TOP3A: variants seen among roughly 807,000 people sequenced by gnomAD.
TOP3A encodes the protein DNA topoisomerase III alpha.
A neutral mutation model predicts 111.3 loss-of-function variants in TOP3A; 64 were observed. The ratio of observed to expected loss-of-function variants is 0.57; its 90% confidence interval spans 0.47 to 0.71. The LOEUF is 0.71. TOP3A is among the 30% of genes least tolerant of loss of function. The probability of loss-of-function intolerance (pLI) is 0.00; values close to 1 mark genes in which losing one functional copy is unlikely to be tolerated. For synonymous variants in TOP3A, 484 were observed against 485.1 expected, an observed-to-expected ratio of 1.00 and a Z score of 0.03; for missense variants, 1,104 against 1,285.0, an observed-to-expected ratio of 0.86 and a Z score of 2.15.
intron 18 of TOP3A, among the ~76,000 whole-genome samples, chr17:18,275,414 C>T (rs73289935): frequency 0.12 from 15,393 of 131,268 alleles, 899 homozygotes; most frequent in South Asian, 0.2. Context: ...GTGTGGAGTG[C>T]AGTGGCGTGA....
intron 1 of TOP3A, among the ~76,000 whole-genome samples, chr17:18,311,001 A>T (rs1027196068): frequency 4.9e-5 from 7 of 142,158 alleles, no homozygotes; most frequent in South Asian, 2.2e-4. Flanking sequence ...ACAACTATGA[A>T]TTTTTTTTTT....
intron 4 of TOP3A, 27 bp from the exon 5 acceptor site, chr17:18,305,247 G>A: frequency 6.4e-7 from 1 of 1,572,880 alleles, no homozygotes; most frequent in Non-Finnish European, 8.8e-7. Context: ...AATAAGAGTG[G>A]TGAGAACAGA....
chr17:18,299,131 C>T (rs956224350), intron 9 of TOP3A, among the ~76,000 whole-genome samples: 2 of 148,640 alleles, frequency 1.3e-5, no homozygotes, highest in African/African-American at 4.9e-5. Context: ...TAAAAAATAA[C>T]AGGCCAAGCA....
chr17:18,296,755 G>A (rs1215156644), intron 9 of TOP3A, among the ~76,000 whole-genome samples: 1 of 152,172 alleles, frequency 6.6e-6, no homozygotes, highest in Non-Finnish European at 1.5e-5. Flanking sequence ...AACCTCCAGA[G>A]TGAATTCTAA....
intron 9 of TOP3A, among the ~76,000 whole-genome samples, chr17:18,298,484 C>A (rs1981007706): frequency 6.6e-6 from 1 of 150,382 alleles, no homozygotes; most frequent in African/African-American, 2.5e-5. Flanking sequence ...TGAGGGGCGC[C>A]TCTGCCCGGC....
chr17:18,278,090 A>C lies in TOP3A; in HGVS notation c.2412T>G (p.Ala804=). The C allele has an allele frequency of 6.2e-7, 1 of 1,614,230 alleles. No individual in the cohort carries two copies. Among genetic ancestry groups the C allele is most frequent in the Middle Eastern group, 1.6e-4 (1 of 6,062 alleles). Residue 804 remains alanine (A), a synonymous_variant, in exon 18 of 19, where the codon GCT becomes GCG. Coordinates refer to ENST00000321105, the MANE Select transcript of TOP3A (RefSeq NM_004618.5). The part of the protein sequence containing the change: ...ALAQTLPPPT[A]AGESNSVTCN... Reference sequence around the variant, plus strand: ...AGGTCACAGAATTGCTTTCACCAGCAGCCGTGGGTGGTGGGAGGGTCTGGG... The same window carrying C: ...AGGTCACAGAATTGCTTTCACCAGCCGCCGTGGGTGGTGGGAGGGTCTGGG...
chr17:18,308,670 C>CTTT (rs10647472), intron 2 of TOP3A: 2,446 of 407,384 alleles, frequency 6.0e-3, no homozygotes, highest in Non-Finnish European at 6.9e-3. Context: ...TGTATATTAG[C>CTTT]TTTTTTTTTT....
At chr17:18,312,029 T>C (rs1380582027) in intron 1 of TOP3A, 1 of 152,308 alleles carries the variant, frequency 6.6e-6, no homozygotes, top group African/African-American at 2.4e-5. Context: ...GCATTGGATA[T>C]CTAGCCTAAG....
At chr17:18,301,283 C>A (rs1981211094) in intron 8 of TOP3A, among the ~76,000 whole-genome samples, 1 of 152,184 alleles carries the variant, frequency 6.6e-6, no homozygotes, top group Non-Finnish European at 1.5e-5. Flanking sequence ...CCCAACTCTG[C>A]CACCAACTGG....
In TOP3A at chr17:18,280,497, C is replaced by T. The variant is rs751334032; in HGVS notation, c.2144+39G>A. The T allele has an allele frequency of 2.5e-6, 4 of 1,603,290 alleles. No individual in the cohort carries two copies. The African/African-American group carries it at 4.0e-5, about 16-fold the overall frequency. Reference sequence around the variant, plus strand: ...AGGAGCAAGGGAAAGATGGTGTACACACTCCAGAGGAGGCACCTGACTCAG... The same window carrying T: ...AGGAGCAAGGGAAAGATGGTGTACATACTCCAGAGGAGGCACCTGACTCAG... On this transcript the variant is annotated intron_variant, in intron 17 of 18. Coordinates refer to ENST00000321105, the MANE Select transcript of TOP3A (RefSeq NM_004618.5).
At position 18,282,804 on chromosome 17, in the gene TOP3A, T is replaced by A; in HGVS notation, c.1915A>T (p.Thr639Ser). 1 of 1,614,136 alleles carries A rather than the reference T, an allele frequency of 6.2e-7. No homozygotes were observed. The change falls in exon 16 of 19, where the codon ACA (threonine) becomes TCA (serine). Residue 639 changes from threonine to serine, a missense_variant. Thr to Ser is a moderately conservative substitution (Grantham distance 58). Transcript: ENST00000321105. ...EALAQYFGNG[T>S]ELAQQEDIYP... ...ATATCTTCTTGCTGGGCCAACTCTG[T>A]CCCATTCCCAAAGTACTGGGCCAAG...
chr17:18,305,077 A>G (rs1346459428), intron 5 of TOP3A, 35 bp downstream of exon 5: 1 of 1,568,578 alleles, frequency 6.4e-7, no homozygotes, highest in Admixed American at 1.7e-5. Flanking sequence ...TGGAGTTCCA[A>G]AGTAGAGAAA....
intron 15 of TOP3A, among the ~76,000 whole-genome samples, chr17:18,283,776 C>T (rs1979915888): frequency 6.6e-6 from 1 of 152,196 alleles, no homozygotes; most frequent in African/African-American, 2.4e-5. Context: ...CTCAGACCCC[C>T]TCCTTGGTTT....
At chr17:18,310,859 C>G (rs896180980) in intron 1 of TOP3A, among the ~76,000 whole-genome samples, 8 of 152,308 alleles carry the variant, frequency 5.3e-5, no homozygotes, top group African/African-American at 1.9e-4. Context: ...TCATCGGTGT[C>G]TCTTCCCACC....
rs139762546 is a variant in TOP3A, at chr17:18,301,127, C to T, written c.915+758G>A. On this transcript the variant is annotated intron_variant, in intron 8 of 18. Transcript: ENST00000321105. Reference sequence around the variant, plus strand: ...CAGTGGGCTACAGCCAAGAAGCACACCATGAATTAAGCCTAGAGAGCTCGG... The same window carrying T: ...CAGTGGGCTACAGCCAAGAAGCACATCATGAATTAAGCCTAGAGAGCTCGG... Among the ~76,000 whole-genome samples the T allele has an allele frequency of 2.0e-4, 31 of 152,318 alleles. 1 individual carries two copies. The East Asian group carries it at 5.8e-3, about 28-fold the overall frequency.
In TOP3A at chr17:18,278,044, C is replaced by T. The variant is rs568424406; in HGVS notation, c.2458G>A (p.Val820Met). 5.6e-6 allele frequency: 9 copies of T among 1,614,082 alleles called. No homozygotes were observed. The highest frequency in any genetic ancestry group is 5.9e-6 in the Non-Finnish European group (7 of 1,180,048). The change falls in exon 18 of 19, where the codon GTG becomes ATG. Residue 820 changes from valine to methionine, a missense_variant. Transcript: ENST00000321105. The stretch of plus-strand genomic sequence containing the variant: ...CCCTCCTTACGGACAGTGAGCAGCA[C>T]AGCCTCCTGGCCACAGTTGCAGGTC... ...SVTCNCGQEAVLLTVRKEGPN... is the reference protein window; with the variant it reads ...SVTCNCGQEAMLLTVRKEGPN...
intron 10 of TOP3A, among the ~76,000 whole-genome samples, chr17:18,294,479 G>A (rs1322699178): frequency 6.6e-6 from 1 of 151,958 alleles, no homozygotes; most frequent in Non-Finnish European, 1.5e-5. Context: ...ACAGGCGCAC[G>A]CCACCACGTC....
intron 13 of TOP3A, among the ~76,000 whole-genome samples, chr17:18,289,843 G>A (rs62072511): frequency 0.22 from 33,496 of 152,170 alleles, 3,886 homozygotes; most frequent in East Asian, 0.3. Flanking sequence ...TCCCTTTGTG[G>A]ATGACGCAGC....
chr17:18,293,081 G>A (rs1399507974), intron 10 of TOP3A, among the ~76,000 whole-genome samples: 2 of 152,204 alleles, frequency 1.3e-5, no homozygotes, highest in Non-Finnish European at 2.9e-5. Flanking sequence ...GCCAAAAGGG[G>A]CAGCACAGCA....
Sources: allele counts gnomAD v4.1 joint callset (sites outside exome capture counted in the v4.1 genomes callset), GRCh38; gene constraint gnomAD v4.1.1; transcripts MANE v1.5; gene names NCBI Gene and HGNC (gene_info 2026-07-23, HGNC 2026-07-21).